BCAS1: variants seen among roughly 807,000 people sequenced by gnomAD.
BCAS1 encodes the protein brain enriched myelin associated protein 1, also known as breast carcinoma-amplified sequence 1.
BCAS1 carries 46 observed loss-of-function variants against 65.4 expected under a neutral mutation model. The observed-to-expected ratio is 0.70, with a 90% CI of 0.55 to 0.90. BCAS1 has a LOEUF of 0.90. Among genes scored for constraint, BCAS1 ranks in the 40% least tolerant of loss-of-function variants. The pLI, the probability that BCAS1 is intolerant of heterozygous loss-of-function variation, is 0.00. For synonymous variants in BCAS1, 298 were observed against 293.5 expected (o/e 1.02, Z -0.16); for missense variants, 793 against 771.2 (o/e 1.03, Z -0.33).
chr20:54,057,699 C>T (rs2092315887), intron 3 of BCAS1, among the ~76,000 whole-genome samples: 1 of 152,138 alleles, frequency 6.6e-6, no homozygotes, highest in African/African-American at 2.4e-5. Context: ...TTAGGGTGGG[C>T]CCTAATCCAA....
intron 4 of BCAS1, among the ~76,000 whole-genome samples, chr20:54,016,165 G>T (rs1363300291): frequency 3.9e-5 from 6 of 152,006 alleles, no homozygotes; most frequent in African/African-American, 1.5e-4. Flanking sequence ...CTATTTTTAT[G>T]TCACCCTCGT....
chr20:54,031,091 C>T (rs1012866593), intron 3 of BCAS1, among the ~76,000 whole-genome samples: 3 of 151,222 alleles, frequency 2.0e-5, no homozygotes, highest in South Asian at 2.1e-4. Flanking sequence ...CCAAGAGCAC[C>T]AACTTATATC....
chr20:53,987,241 C>T lies in BCAS1; in HGVS notation c.1063-1742G>A, dbSNP rs191751625. Among the ~76,000 whole-genome samples the T allele has an allele frequency of 5.6e-4, 85 of 152,328 alleles. 1 individual carries two copies. The highest frequency in any genetic ancestry group is 1.6e-3 in the Admixed American group (24 of 15,298). ...AGTTCAAGTTAAGATAAAGAACTGACGTCTGGAAATGAATTTTGTGATAGT... is the reference window on the plus strand; with the variant it reads ...AGTTCAAGTTAAGATAAAGAACTGATGTCTGGAAATGAATTTTGTGATAGT... On this transcript the variant is annotated intron_variant, in intron 7 of 12. Coordinates refer to ENST00000688948, the MANE Select transcript of BCAS1 (RefSeq NM_001366298.2).
intron 7 of BCAS1, among the ~76,000 whole-genome samples, chr20:53,988,502 AT>A (rs764951771): frequency 1.3e-5 from 2 of 152,170 alleles, no homozygotes; most frequent in Non-Finnish European, 2.9e-5. Context: ...ACGAACGATT[AT>A]TTTTTGTATT....
intron 10 of BCAS1, among the ~76,000 whole-genome samples, chr20:53,959,256 A>AT (rs112880912): frequency 2.1e-3 from 294 of 141,966 alleles, no homozygotes; most frequent in East Asian, 4.7e-3. Flanking sequence ...ATGTCCAGCT[A>AT]TTTTTTTTTT....
At chr20:54,066,292 T>C (rs886551564) in intron 1 of BCAS1, among the ~76,000 whole-genome samples, 3 of 152,188 alleles carry the variant, frequency 2.0e-5, no homozygotes, top group African/African-American at 7.2e-5. Context: ...CAGGATGGTC[T>C]CGATCTCCTG....
At position 53,944,865 on chromosome 20, in the gene BCAS1, A is replaced by C; in HGVS notation, c.*57T>G. 6.8e-7 allele frequency: 1 copy of C among 1,469,256 alleles called. No homozygotes were observed. The highest frequency in any genetic ancestry group is 9.5e-7 in the Non-Finnish European group (1 of 1,048,148). The allele number at this position is 1,469,256 out of a possible 1,614,324, so 91.0% of individuals were successfully genotyped here. A position where few individuals can be genotyped will look rare whatever the true frequency, so the allele number is the denominator to read the frequency against. ...TGGAGCGTGTTTGGGGAGGAGATGG[A>C]GTAAGGAGAACACATCTTGGTGGCA... On this transcript the variant is annotated 3_prime_UTR_variant, in exon 13 of 13. Coordinates refer to ENST00000688948, the MANE Select transcript of BCAS1 (RefSeq NM_001366298.2).
chr20:54,023,922 A>G (rs1011192342), intron 4 of BCAS1, among the ~76,000 whole-genome samples: 9 of 152,224 alleles, frequency 5.9e-5, no homozygotes, highest in Admixed American at 4.6e-4. Flanking sequence ...AGGGAAAGGC[A>G]AAAAATAAAA....
At chr20:54,010,487 C>T (rs1345193583) in intron 4 of BCAS1, among the ~76,000 whole-genome samples, 2 of 152,064 alleles carry the variant, frequency 1.3e-5, no homozygotes, top group Non-Finnish European at 2.9e-5. Flanking sequence ...AAATACAATA[C>T]CATAATAATC....
intron 4 of BCAS1, among the ~76,000 whole-genome samples, chr20:54,022,829 C>T (rs2091591515): frequency 6.6e-6 from 1 of 152,208 alleles, no homozygotes; most frequent in Non-Finnish European, 1.5e-5. Context: ...GTGGTAGAGT[C>T]TGGACTCATA....
chr20:54,015,068 T>C (rs569934875), intron 4 of BCAS1, among the ~76,000 whole-genome samples: 1 of 150,494 alleles, frequency 6.6e-6, no homozygotes, highest in Non-Finnish European at 1.5e-5. Flanking sequence ...TTTTTTGAGA[T>C]GTTGCCCAGG....
At chr20:54,012,991 T>G (rs2091355625) in intron 4 of BCAS1, among the ~76,000 whole-genome samples, 1 of 152,210 alleles carries the variant, frequency 6.6e-6, no homozygotes, top group Non-Finnish European at 1.5e-5. Context: ...TTTAAGTTCC[T>G]GCCACTTTAT....
chr20:53,968,038 T>TG (rs1479168186), intron 9 of BCAS1, among the ~76,000 whole-genome samples: 4 of 152,236 alleles, frequency 2.6e-5, no homozygotes, highest in Non-Finnish European at 5.9e-5. Context: ...TATTTATTTA[T>TG]TTAAGAAATG....
At chr20:53,979,597 A>T (rs539824015) in intron 8 of BCAS1, among the ~76,000 whole-genome samples, 1 of 152,256 alleles carries the variant, frequency 6.6e-6, no homozygotes, top group South Asian at 2.1e-4. Context: ...AGTGGGATAA[A>T]TTGGCACGGA....
At chr20:53,949,130 A>G (rs1455737967) in intron 12 of BCAS1, among the ~76,000 whole-genome samples, 3 of 152,140 alleles carry the variant, frequency 2.0e-5, no homozygotes, top group Non-Finnish European at 4.4e-5. Context: ...GGAAGGGAGA[A>G]ACCCAGTCTT....
intron 4 of BCAS1, among the ~76,000 whole-genome samples, chr20:54,026,534 ACATTC>A (rs2091676442): frequency 6.6e-6 from 1 of 152,232 alleles, no homozygotes. Context: ...TGAGTAAAAC[ACATTC>A]CTTCATTGTC....
At chr20:54,013,618 G>C (rs895878666) in intron 4 of BCAS1, among the ~76,000 whole-genome samples, 1 of 152,178 alleles carries the variant, frequency 6.6e-6, no homozygotes, top group East Asian at 1.9e-4. Flanking sequence ...AAACTCACAC[G>C]TGTGAAATAA....
intron 4 of BCAS1, among the ~76,000 whole-genome samples, chr20:54,014,213 T>C (rs540511407): frequency 6.6e-6 from 1 of 152,286 alleles, no homozygotes; most frequent in Admixed American, 6.5e-5. Flanking sequence ...AACAGAAACA[T>C]TCTCCAGAAA....
intron 1 of BCAS1, among the ~76,000 whole-genome samples, chr20:54,060,510 T>C (rs290433): frequency 0.018 from 2,761 of 151,536 alleles, 63 homozygotes; most frequent in African/African-American, 0.063. Flanking sequence ...TTAGTAGAGA[T>C]GGGTTTTCAC....
Sources: gnomAD v4.1 joint callset for allele counts (sites outside exome capture counted in the v4.1 genomes callset) on GRCh38, gnomAD v4.1.1 for gene constraint, MANE v1.5 for transcripts, NCBI Gene and HGNC (gene_info 2026-07-23, HGNC 2026-07-21) for gene names.